PCSK5: variants seen among roughly 807,000 people sequenced by gnomAD.
PCSK5 encodes proprotein convertase subtilisin/kexin type 5.
A neutral mutation model predicts 233.2 loss-of-function variants in PCSK5; 129 were observed. That is an observed-to-expected ratio of 0.55 (90% CI 0.48 to 0.64). PCSK5 has a LOEUF of 0.64. Among genes scored for constraint, PCSK5 ranks in the 30% least tolerant of loss-of-function variants. The pLI is 0.00. For synonymous variants in PCSK5, 825 were observed against 879.2 expected (o/e 0.94, Z 1.09); for missense variants, 2,076 against 2,430.1 (o/e 0.85, Z 3.06).
intron 10 of PCSK5, among the ~76,000 whole-genome samples, chr9:76,137,143 C>T (rs181655571): frequency 1.5e-3 from 223 of 152,194 alleles, no homozygotes; most frequent in Non-Finnish European, 2.4e-3. Flanking sequence ...GGTTTCTCGT[C>T]CTGAAGCAGC....
chr9:76,321,695 C>A, intron 31 of PCSK5, 56 bp downstream of exon 31: 1 of 1,140,884 alleles, frequency 8.8e-7, no homozygotes, highest in Non-Finnish European at 1.3e-6. Flanking sequence ...CAGTTGGGGG[C>A]CGATTATCTG....
intron 3 of PCSK5, among the ~76,000 whole-genome samples, chr9:76,015,721 A>T (rs996861734): frequency 4.0e-4 from 61 of 152,172 alleles, no homozygotes; most frequent in African/African-American, 1.4e-3. Context: ...TTCCCCAGTT[A>T]TACAGCCAAC....
intron 2 of PCSK5, among the ~76,000 whole-genome samples, chr9:75,949,421 T>C (rs1023032336): frequency 6.6e-6 from 1 of 152,192 alleles, no homozygotes; most frequent in Non-Finnish European, 1.5e-5. Context: ...TTCCATGTCA[T>C]GAAGTTTTCC....
Position 76,295,315 on chromosome 9 carries a change from T to C in PCSK5, c.3226T>C (p.Tyr1076His). 1 of 1,611,788 alleles carries C rather than the reference T, an allele frequency of 6.2e-7. No homozygotes were observed. Among genetic ancestry groups the C allele is most frequent in the Non-Finnish European group, 8.5e-7 (1 of 1,179,054 alleles). Residue 1076 changes from tyrosine to histidine, a missense_variant, in exon 26 of 38, where the codon TAC (tyrosine) becomes CAC (histidine). Tyr to His is a moderately conservative substitution (Grantham distance 83). This residue lies in a region of PCSK5 where 1,510 missense variants were observed against 1,538.1 expected (regional missense o/e 0.98). Transcript: ENST00000674117. ...HCYKTCPEKT[Y>H]SEEVECKACD... ...TTATAAAACCTGTCCTGAGAAGACC[T>C]ACAGTGAGGAAGTGGAATGCAAGGC...
intron 1 of PCSK5, among the ~76,000 whole-genome samples, chr9:75,908,305 G>T (rs1351527996): frequency 6.6e-6 from 1 of 152,198 alleles, no homozygotes; most frequent in Admixed American, 6.5e-5. Flanking sequence ...AGGGAAAGGT[G>T]AATTGTATTT....
At chr9:76,206,714 A>G (rs767406554) in intron 20 of PCSK5, among the ~76,000 whole-genome samples, 54 of 152,226 alleles carry the variant, frequency 3.5e-4, no homozygotes, top group Non-Finnish European at 7.5e-4. Flanking sequence ...AGATAAAGTA[A>G]TTCATCCAAA....
chr9:76,332,689 A>T, intron 34 of PCSK5, 79 bp downstream of exon 34: 1 of 1,068,576 alleles, frequency 9.4e-7, no homozygotes, highest in Non-Finnish European at 1.4e-6. Flanking sequence ...TGAGGAAACT[A>T]AGATTCAGAA....
intron 16 of PCSK5, among the ~76,000 whole-genome samples, chr9:76,183,495 G>A (rs1008201611): frequency 6.6e-6 from 1 of 152,188 alleles, no homozygotes; most frequent in African/African-American, 2.4e-5. Context: ...GACAACCAGA[G>A]AGGTGGGTAA....
chr9:76,083,018 G>A (rs1010900390), intron 7 of PCSK5, among the ~76,000 whole-genome samples: 1 of 151,870 alleles, frequency 6.6e-6, no homozygotes, highest in East Asian at 1.9e-4. Flanking sequence ...AGACCAGCCT[G>A]GCCAACATGG....
In PCSK5 at chr9:76,323,188, C is replaced by A; in HGVS notation, c.4239C>A (p.Cys1413Ter). ...LECSGPKADD[C>*]ELCLESSWVL... ...GCAGTGGCCCCAAAGCCGACGACTG[C>A]GAGCTCTGTCTTGAGAGTTCCTGGG... is the stretch of plus-strand genomic sequence containing the variant. Residue 1413 changes from cysteine to a stop codon, truncating the protein, a stop_gained, in exon 32 of 38, where the codon TGC (cysteine) becomes TGA (stop). Coordinates refer to ENST00000674117, the MANE Select transcript of PCSK5 (RefSeq NM_001372043.1). LOFTEE classifies it high-confidence loss of function. 6.2e-7 allele frequency: 1 copy of A among 1,612,652 alleles called. No individual in the cohort carries two copies. The highest frequency in any genetic ancestry group is 1.7e-5 in the Admixed American group (1 of 59,994).
In PCSK5 at chr9:76,361,188, T is replaced by C. The variant is rs2131541486; in HGVS notation, c.*2266T>C. Reference sequence around the variant, plus strand: ...GGTGAAACCCCATTTCTACTAAAAATACAATAAAAATCTGGGCATGTTGGT... The same window carrying C: ...GGTGAAACCCCATTTCTACTAAAAACACAATAAAAATCTGGGCATGTTGGT... On this transcript the variant is annotated 3_prime_UTR_variant, in exon 38 of 38. Coordinates refer to ENST00000674117, the MANE Select transcript of PCSK5 (RefSeq NM_001372043.1). 6.6e-6 allele frequency: 1 copy of C among 152,120 alleles called. No homozygotes were observed. Among genetic ancestry groups the C allele is most frequent in the African/African-American group, 2.4e-5 (1 of 41,486 alleles). 9.4% of individuals were successfully genotyped at this position (152,120 alleles called of 1,614,324 possible).
At chr9:76,352,401 A>T (rs1394137607) in intron 36 of PCSK5, among the ~76,000 whole-genome samples, 1 of 152,172 alleles carries the variant, frequency 6.6e-6, no homozygotes, top group Non-Finnish European at 1.5e-5. Flanking sequence ...CCAACCTCCT[A>T]TCTCATCCTA....
intron 24 of PCSK5, among the ~76,000 whole-genome samples, chr9:76,272,959 T>C (rs965639127): frequency 1.4e-4 from 21 of 151,820 alleles, no homozygotes; most frequent in Middle Eastern, 6.8e-3. Context: ...ACCTTGGTAC[T>C]TTCCCCATCC....
chr9:76,063,980 C>T (rs1177657106), intron 5 of PCSK5, among the ~76,000 whole-genome samples: 2 of 80,910 alleles, frequency 2.5e-5, no homozygotes, highest in Non-Finnish European at 4.6e-5. Flanking sequence ...ACCTCCCTCC[C>T]GGACAGGGCG....
chr9:76,309,361 TAGG>T (rs1828795665), intron 29 of PCSK5, among the ~76,000 whole-genome samples: 1 of 152,138 alleles, frequency 6.6e-6, no homozygotes, highest in African/African-American at 2.4e-5. Flanking sequence ...TTCCCTGAAT[TAGG>T]AGAATATTTT....
At chr9:76,177,908 A>G (rs1250502545) in intron 14 of PCSK5, among the ~76,000 whole-genome samples, 1 of 152,112 alleles carries the variant, frequency 6.6e-6, no homozygotes, top group African/African-American at 2.4e-5. Context: ...TTTGCCATAC[A>G]GTGAGAGCCC....
chr9:76,356,943 C>T (rs986986570), intron 37 of PCSK5, among the ~76,000 whole-genome samples: 2 of 152,106 alleles, frequency 1.3e-5, no homozygotes, highest in Non-Finnish European at 2.9e-5. Context: ...AAAAACCTAC[C>T]GTGTAACTCA....
At chr9:76,013,616 T>A (rs1327282581) in intron 3 of PCSK5, among the ~76,000 whole-genome samples, 1 of 152,188 alleles carries the variant, frequency 6.6e-6, no homozygotes, top group African/African-American at 2.4e-5. Context: ...CGTCTGTTAA[T>A]TCGTCCATTC....
rs770195863 is a variant in PCSK5 at position 76,323,111 on chromosome 9, T to C, written c.4162T>C (p.Phe1388Leu). ...GTGCCACCAGTCCTGTCCCCGTGGCTTCTATGCAGACTCGCGCCACTGTGT... is the reference window on the plus strand; with the variant it reads ...GTGCCACCAGTCCTGTCCCCGTGGCCTCTATGCAGACTCGCGCCACTGTGT... Reference protein sequence around the residue: ...DMCHQSCPRGFYADSRHCVPC... With the variant: ...DMCHQSCPRGLYADSRHCVPC... Residue 1388 changes from phenylalanine to leucine, a missense_variant, in exon 32 of 38, where the codon TTC (phenylalanine) becomes CTC (leucine). By Grantham distance (22) the Phe-to-Leu change is conservative. Around this residue, in one of 6 missense-constraint regions of PCSK5, gnomAD observed 1,510 missense variants for 1,538.1 expected, o/e 0.98. Coordinates refer to ENST00000674117, the MANE Select transcript of PCSK5 (RefSeq NM_001372043.1). The C allele has an allele frequency of 1.6e-5, 26 of 1,611,892 alleles. No individual in the cohort carries two copies. Among genetic ancestry groups the C allele is most frequent in the South Asian group, 4.4e-5 (4 of 90,850 alleles).
Sources: gnomAD v4.1 joint callset for allele counts (sites outside exome capture counted in the v4.1 genomes callset) on GRCh38, gnomAD v4.1.1 for gene constraint, gnomAD v4.1.1 regional missense constraint, MANE v1.5 for transcripts, NCBI Gene and HGNC (gene_info 2026-07-23, HGNC 2026-07-21) for gene names.